The following CHST9 variants were observed in gnomAD, a reference collection of about 807,000 sequenced individuals.
CHST9 encodes the protein GalNAc-4-sulfotransferase 2.
In CHST9, 41 loss-of-function variants were observed where a neutral mutation model predicts 44.4. That is an observed-to-expected ratio of 0.92 (90% CI 0.72 to 1.20). CHST9 has a LOEUF of 1.20. CHST9 is among the 50% of genes most tolerant of loss of function. CHST9 has a pLI of 0.00. For synonymous variants in CHST9, 171 were observed against 178.4 expected (o/e 0.96, Z 0.33); for missense variants, 504 against 516.5 (o/e 0.98, Z 0.23).
intron 2 of CHST9, among the ~76,000 whole-genome samples, chr18:27,109,500 C>T (rs2058251336): frequency 1.3e-5 from 2 of 152,222 alleles, no homozygotes; most frequent in Admixed American, 1.3e-4. Flanking sequence ...AAAGGGCATG[C>T]AGCCACAGTT....
intron 4 of CHST9, among the ~76,000 whole-genome samples, chr18:26,965,394 A>C (rs1318449131): frequency 6.6e-6 from 1 of 152,206 alleles, no homozygotes; most frequent in Non-Finnish European, 1.5e-5. Context: ...CAGTGAACTG[A>C]CAACACATTA....
At chr18:27,151,862 T>C (rs757663384) in intron 1 of CHST9, among the ~76,000 whole-genome samples, 1 of 152,214 alleles carries the variant, frequency 6.6e-6, no homozygotes, top group Non-Finnish European at 1.5e-5. Flanking sequence ...AACTGTAAGA[T>C]AATGCATTTG....
chr18:27,082,259 T>C (rs1300607574), intron 2 of CHST9, among the ~76,000 whole-genome samples: 2 of 152,262 alleles, frequency 1.3e-5, no homozygotes, highest in East Asian at 1.9e-4. Context: ...ACAATGTTCA[T>C]ATTTTATACT....
chr18:26,929,204 A>G (rs232343), intron 5 of CHST9, among the ~76,000 whole-genome samples: 65,238 of 151,986 alleles, frequency 0.43, 14,447 homozygotes, highest in East Asian at 0.7. Flanking sequence ...TTCAGCTAAG[A>G]CTATATAGAT....
chr18:27,004,770 G>A (rs966312429), intron 4 of CHST9, among the ~76,000 whole-genome samples: 1 of 152,152 alleles, frequency 6.6e-6, no homozygotes, highest in African/African-American at 2.4e-5. Flanking sequence ...AGGCAGAAAG[G>A]AGGGTTTCTT....
At chr18:27,175,445 T>TG (rs1384765581) in intron 1 of CHST9, among the ~76,000 whole-genome samples, 3 of 152,160 alleles carry the variant, frequency 2.0e-5, no homozygotes, top group Admixed American at 2.0e-4. Context: ...TTATTTATTT[T>TG]GGGGGGTGTA....
At chr18:27,113,914 T>C (rs1248569770) in intron 2 of CHST9, among the ~76,000 whole-genome samples, 1 of 152,206 alleles carries the variant, frequency 6.6e-6, no homozygotes, top group Non-Finnish European at 1.5e-5. Flanking sequence ...AATTTTAGCA[T>C]TTTGCAAATA....
intron 2 of CHST9, among the ~76,000 whole-genome samples, chr18:27,096,509 G>A (rs1041641564): frequency 1.3e-5 from 2 of 151,864 alleles, no homozygotes; most frequent in Non-Finnish European, 2.9e-5. Context: ...TCTCTGAAAG[G>A]ATAAGCAAGA....
rs2055506440 is a variant in CHST9, at chr18:26,915,711, A to G, written c.*548T>C. 1 of 152,214 alleles carries G rather than the reference A, an allele frequency of 6.6e-6. No homozygotes were observed. 9.4% of individuals were successfully genotyped at this position (152,214 alleles called of 1,614,324 possible). ...CACAGCCTCATCTGGTTTTTCTGCT[A>G]TATTCTCATATTGTAAATCACATAA... On this transcript the variant is annotated 3_prime_UTR_variant, in exon 6 of 6. Coordinates refer to ENST00000618847, the MANE Select transcript of CHST9 (RefSeq NM_031422.6).
intron 4 of CHST9, among the ~76,000 whole-genome samples, chr18:26,982,666 T>A (rs2056706666): frequency 6.6e-6 from 1 of 152,156 alleles, no homozygotes; most frequent in Non-Finnish European, 1.5e-5. Flanking sequence ...GGTTTTCCAG[T>A]CTTTTCTTCA....
At chr18:27,048,953 AG>A (rs1392296050) in intron 2 of CHST9, among the ~76,000 whole-genome samples, 3 of 152,136 alleles carry the variant, frequency 2.0e-5, no homozygotes, top group Non-Finnish European at 2.9e-5. Flanking sequence ...TTAAGAAAGG[AG>A]GGGGTGCTCA....
rs1172060649 is a variant in CHST9, at chr18:26,910,789, A to G, written c.*5470T>C. 1 of 152,182 alleles carries G rather than the reference A, an allele frequency of 6.6e-6. No individual in the cohort carries two copies. The highest frequency in any genetic ancestry group is 1.5e-5 in the Non-Finnish European group (1 of 68,032). 9.4% of individuals were successfully genotyped at this position (152,182 alleles called of 1,614,324 possible). On this transcript the variant is annotated 3_prime_UTR_variant, in exon 6 of 6. Transcript: ENST00000618847. ...CATTCATGAAATGATAGGTGGAAAA[A>G]TACTCGACTTTGATTTTTTTGAAAG...
intron 2 of CHST9, among the ~76,000 whole-genome samples, chr18:27,079,675 T>C (rs2057941689): frequency 6.6e-6 from 1 of 152,194 alleles, no homozygotes; most frequent in Non-Finnish European, 1.5e-5. Flanking sequence ...AAACAGTGGC[T>C]TAAAATAGCG....
chr18:27,149,742 A>T (rs1485763775), intron 1 of CHST9, among the ~76,000 whole-genome samples: 2 of 151,878 alleles, frequency 1.3e-5, no homozygotes, highest in Non-Finnish European at 2.9e-5. Flanking sequence ...AATCTGGGTA[A>T]ATTCTTCTGA....
chr18:27,074,269 C>T (rs2057875201), intron 2 of CHST9, among the ~76,000 whole-genome samples: 1 of 152,148 alleles, frequency 6.6e-6, no homozygotes, highest in Non-Finnish European at 1.5e-5. Flanking sequence ...GATCTCTCGT[C>T]AAATTCATTT....
At chr18:27,020,876 C>T (rs767654063) in intron 4 of CHST9, among the ~76,000 whole-genome samples, 4 of 151,978 alleles carry the variant, frequency 2.6e-5, no homozygotes, top group Non-Finnish European at 5.9e-5. Flanking sequence ...TTTAAGAGGA[C>T]GCTGAACATT....
intron 4 of CHST9, among the ~76,000 whole-genome samples, chr18:27,003,551 TC>T (rs993135734): frequency 2.3e-4 from 35 of 152,240 alleles, no homozygotes; most frequent in African/African-American, 8.2e-4. Context: ...AAAGATTTTT[TC>T]CCCCTCACAC....
chr18:26,949,688 T>G (rs2145127691), intron 4 of CHST9, among the ~76,000 whole-genome samples: 1 of 152,290 alleles, frequency 6.6e-6, no homozygotes, highest in East Asian at 1.9e-4. Flanking sequence ...CACATCCTAA[T>G]CAGCCTGTGA....
At chr18:27,144,090 T>A (rs902878810) in intron 1 of CHST9, among the ~76,000 whole-genome samples, 5 of 152,194 alleles carry the variant, frequency 3.3e-5, no homozygotes, top group African/African-American at 1.2e-4. Context: ...GGGGCCAAGG[T>A]CACGGCTTTG....
Sources: allele counts gnomAD v4.1 joint callset (sites outside exome capture counted in the v4.1 genomes callset), GRCh38; gene constraint gnomAD v4.1.1; transcripts MANE v1.5; gene names NCBI Gene and HGNC (gene_info 2026-07-23, HGNC 2026-07-21).